The following NPEPPS variants were observed in gnomAD, a reference collection of about 807,000 sequenced individuals.
NPEPPS encodes the protein puromycin-sensitive aminopeptidase.
A neutral mutation model predicts 115.5 loss-of-function variants in NPEPPS; 14 were observed. The observed-to-expected ratio is 0.12, with a 90% CI of 0.08 to 0.19. The LOEUF is 0.19. Among genes scored for constraint, NPEPPS ranks in the 10% least tolerant of loss-of-function variants. NPEPPS has a pLI of 1.00. For synonymous variants in NPEPPS, 285 were observed against 390.6 expected, an observed-to-expected ratio of 0.73 and a Z score of 3.19; for missense variants, 523 against 1,110.8, an observed-to-expected ratio of 0.47 and a Z score of 7.52.
At chr17:47,531,725 T>C (rs985864854) in intron 1 of NPEPPS, among the ~76,000 whole-genome samples, 170 bp downstream of exon 1, 4 of 22,310 alleles carry the variant, frequency 1.8e-4, no homozygotes, top group South Asian at 1.2e-3. Flanking sequence ...GGGCTGGGGC[T>C]GGGGCTGGGG....
At chr17:47,556,787 A>T (rs973637566) in intron 2 of NPEPPS, among the ~76,000 whole-genome samples, 1 of 152,088 alleles carries the variant, frequency 6.6e-6, no homozygotes, top group Non-Finnish European at 1.5e-5. Context: ...GGGACTACAG[A>T]TGTAGGCCAC....
chr17:47,619,306 C>G (rs1185907537), intron 21 of NPEPPS, 142 bp downstream of exon 21: 2 of 805,172 alleles, frequency 2.5e-6, no homozygotes, highest in South Asian at 3.1e-5. Flanking sequence ...GTAATACCAG[C>G]ACTTTGGGAC....
At chr17:47,603,872 A>T in intron 15 of NPEPPS, 43 bp from the exon 16 acceptor site, 1 of 1,544,700 alleles carries the variant, frequency 6.5e-7, no homozygotes, top group Non-Finnish European at 8.8e-7. Flanking sequence ...GATTTAAAAA[A>T]TTAATGGAGC....
intron 17 of NPEPPS, among the ~76,000 whole-genome samples, chr17:47,606,916 C>T (rs1913551756): frequency 6.6e-6 from 1 of 151,914 alleles, no homozygotes; most frequent in Non-Finnish European, 1.5e-5. Flanking sequence ...ATAAAGTTGC[C>T]AGGGGTGGTG....
intron 17 of NPEPPS, among the ~76,000 whole-genome samples, chr17:47,610,116 A>G (rs1485772510): frequency 1.3e-5 from 2 of 151,806 alleles, no homozygotes; most frequent in African/African-American, 2.4e-5. Flanking sequence ...TTGTGCAACT[A>G]TCACCTCTAT....
intron 12 of NPEPPS, chr17:47,592,755 T>C (rs1171651549): frequency 1.0e-5 from 5 of 479,184 alleles, no homozygotes; most frequent in Middle Eastern, 5.6e-4. Context: ...TTCTTTCCTT[T>C]CTTTCTTTTT....
intron 1 of NPEPPS, among the ~76,000 whole-genome samples, chr17:47,525,314 G>A (rs1328760677): frequency 6.6e-6 from 1 of 152,050 alleles, no homozygotes; most frequent in Non-Finnish European, 1.5e-5. Context: ...AAAAATTACT[G>A]CTGCCATGAA....
intron 2 of NPEPPS, among the ~76,000 whole-genome samples, chr17:47,556,446 G>T (rs1376756557): frequency 6.6e-6 from 1 of 152,134 alleles, no homozygotes; most frequent in African/African-American, 2.4e-5. Context: ...CTTTTTCTTA[G>T]TACAGAACAA....
At chr17:47,545,725 T>C (rs936622144) in intron 1 of NPEPPS, among the ~76,000 whole-genome samples, 184 bp from the exon 2 acceptor site, 8 of 152,026 alleles carry the variant, frequency 5.3e-5, no homozygotes, top group Non-Finnish European at 1.0e-4. Flanking sequence ...ATTTTTGTAT[T>C]TTTTGTAGAG....
intron 2 of NPEPPS, among the ~76,000 whole-genome samples, chr17:47,554,687 C>T (rs1446558839): frequency 1.3e-5 from 2 of 152,144 alleles, no homozygotes; most frequent in African/African-American, 4.8e-5. Context: ...TTGTATTATA[C>T]TCACCCTTCT....
chr17:47,538,030 A>G (rs1456918378), intron 1 of NPEPPS, among the ~76,000 whole-genome samples: 2 of 150,490 alleles, frequency 1.3e-5, no homozygotes, highest in Non-Finnish European at 3.0e-5. Context: ...AGTAGCTGGG[A>G]TTACAGGCAT....
intron 2 of NPEPPS, among the ~76,000 whole-genome samples, chr17:47,549,771 ACT>A (rs1345409168): frequency 1.6e-5 from 2 of 125,460 alleles, no homozygotes; most frequent in Non-Finnish European, 3.3e-5. Context: ...ACAGAGCAAG[ACT>A]CTGTCTCAAA....
chr17:47,531,633 G>C (rs540389854), intron 1 of NPEPPS, 78 bp downstream of exon 1: 70 of 1,423,650 alleles, frequency 4.9e-5, no homozygotes, highest in South Asian at 9.1e-5. Flanking sequence ...CTCAGGGCCC[G>C]GCCGGGAGGG....
At chr17:47,534,445 A>G (rs892916060) in intron 1 of NPEPPS, among the ~76,000 whole-genome samples, 1 of 152,250 alleles carries the variant, frequency 6.6e-6, no homozygotes, top group African/African-American at 2.4e-5. Context: ...AACAGTTGGA[A>G]TCACATAACA....
intron 22 of NPEPPS, 184 bp downstream of exon 22, chr17:47,619,968 C>G: frequency 3.7e-6 from 2 of 533,576 alleles, no homozygotes; most frequent in Non-Finnish European, 3.4e-6. Context: ...CATGGTAGCT[C>G]ACATCTGTAA....
intron 3 of NPEPPS, among the ~76,000 whole-genome samples, chr17:47,576,359 G>T (rs1404816082): frequency 6.6e-6 from 1 of 152,138 alleles, no homozygotes. Flanking sequence ...AGGCCTGGTG[G>T]CGCACGCCTG....
At chr17:47,537,829 G>A (rs1180142490) in intron 1 of NPEPPS, among the ~76,000 whole-genome samples, 6 of 150,824 alleles carry the variant, frequency 4.0e-5, no homozygotes, top group Non-Finnish European at 7.4e-5. Flanking sequence ...ACTTTATTTT[G>A]AACATCTCTC....
chr17:47,525,446 C>T (rs1341952703), intron 1 of NPEPPS, among the ~76,000 whole-genome samples: 25 of 152,110 alleles, frequency 1.6e-4, no homozygotes, highest in Admixed American at 1.5e-3. Context: ...TGGGTTCAAG[C>T]GATTCTCCTG....
intron 1 of NPEPPS, among the ~76,000 whole-genome samples, chr17:47,543,466 C>T (rs1167064809): frequency 7.3e-5 from 11 of 150,184 alleles, no homozygotes; most frequent in African/African-American, 2.0e-4. Flanking sequence ...TACAGGCGCG[C>T]ACCACAGGCC....
Sources: gnomAD v4.1 joint callset for allele counts (sites outside exome capture counted in the v4.1 genomes callset) on GRCh38, gnomAD v4.1.1 for gene constraint, MANE v1.5 for transcripts, NCBI Gene and HGNC (gene_info 2026-07-23, HGNC 2026-07-21) for gene names.